Variants in SH3RF3 observed in about 807,000 individuals in gnomAD.
SH3RF3 encodes the protein E3 ubiquitin-protein ligase SH3RF3.
In SH3RF3, 29 loss-of-function variants were observed where a neutral mutation model predicts 66.3. The ratio of observed to expected loss-of-function variants is 0.44; its 90% CI spans 0.33 to 0.60. The LOEUF is 0.60. Ranked by LOEUF, SH3RF3 falls within the 20% of genes least tolerant of loss-of-function variation. The pLI is 0.04. For missense variants in SH3RF3, 1,194 were observed against 1,190.9 expected (o/e 1.00, Z -0.04); for synonymous variants, 583 against 532.0 (o/e 1.10, Z -1.32).
At chr2:109,131,963 A>G (rs1676707322) in intron 1 of SH3RF3, among the ~76,000 whole-genome samples, 1 of 152,248 alleles carries the variant, frequency 6.6e-6, no homozygotes, top group Admixed American at 6.5e-5. Context: ...TAGGTCCAGC[A>G]CATGCTTCGG....
chr2:109,146,164 C>T (rs772588781), intron 1 of SH3RF3, among the ~76,000 whole-genome samples: 4 of 152,118 alleles, frequency 2.6e-5, no homozygotes, highest in Non-Finnish European at 4.4e-5. Context: ...CATTAGAATA[C>T]GTATTAGAAT....
chr2:109,334,168 T>C (rs2105500178), intron 1 of SH3RF3, among the ~76,000 whole-genome samples: 1 of 152,112 alleles, frequency 6.6e-6, no homozygotes, highest in East Asian at 1.9e-4. Context: ...GCCTGGGCTG[T>C]AACATGGTGA....
chr2:109,152,760 C>A (rs1220367598), intron 1 of SH3RF3, among the ~76,000 whole-genome samples: 1 of 152,150 alleles, frequency 6.6e-6, no homozygotes, highest in African/African-American at 2.4e-5. Flanking sequence ...GCGGGGGGGA[C>A]CCAGTGTCCC....
chr2:109,370,665 C>T (rs376629805), intron 2 of SH3RF3, among the ~76,000 whole-genome samples: 5 of 152,272 alleles, frequency 3.3e-5, no homozygotes, highest in Admixed American at 6.5e-5. Context: ...CCCTGCCATT[C>T]GTCTCTGTGT....
intron 1 of SH3RF3, among the ~76,000 whole-genome samples, chr2:109,189,464 G>C (rs1055234864): frequency 6.6e-6 from 1 of 151,790 alleles, no homozygotes; most frequent in South Asian, 2.1e-4. Context: ...TGCCTCCTGG[G>C]TTCAAGCAAT....
Position 109,301,908 on chromosome 2 carries a change from C to A in SH3RF3, c.574-45766C>A, listed in dbSNP as rs111982855. ...AGGGTGTTGGCCTAAGTAGCTTCCC[C>A]GGTGCGGGACCGGGGTCCATTTTCT... On this transcript the variant is annotated intron_variant, in intron 1 of 9. Coordinates refer to ENST00000309415, the MANE Select transcript of SH3RF3 (RefSeq NM_001099289.3). 6.7e-3 allele frequency among the ~76,000 whole-genome samples: 1,022 copies of A among 152,306 alleles called. 16 individuals are homozygous for A. The highest frequency in any genetic ancestry group is 0.024 in the African/African-American group (993 of 41,560).
rs144220532 is a variant in SH3RF3, at chr2:109,290,019, A to T, written c.574-57655A>T. On this transcript the variant is annotated intron_variant, in intron 1 of 9. Transcript: ENST00000309415. ...CTGGGGGGACCTTGTTAAAATGCAGATTCCGATTCTATAGGTACAGGGGGA... is the reference window on the plus strand; with the variant it reads ...CTGGGGGGACCTTGTTAAAATGCAGTTTCCGATTCTATAGGTACAGGGGGA... Among the ~76,000 whole-genome samples, 511 of 152,292 alleles carry T rather than the reference A, an allele frequency of 3.4e-3. 1 individual carries two copies. Among genetic ancestry groups the T allele is most frequent in the Non-Finnish European group, 3.9e-3 (267 of 68,036 alleles).
intron 1 of SH3RF3, among the ~76,000 whole-genome samples, chr2:109,226,474 T>C (rs1679376163): frequency 6.6e-6 from 1 of 152,260 alleles, no homozygotes; most frequent in Non-Finnish European, 1.5e-5. Context: ...AGTACCCTGC[T>C]GACCTCTTAA....
chr2:109,442,919 A>G (rs533490431), intron 7 of SH3RF3, among the ~76,000 whole-genome samples: 15 of 152,362 alleles, frequency 9.8e-5, no homozygotes, highest in African/African-American at 3.4e-4. Context: ...ATTGTCACAT[A>G]TTACTAAAAA....
At chr2:109,373,463 G>A (rs1683317980) in intron 3 of SH3RF3, among the ~76,000 whole-genome samples, 1 of 152,196 alleles carries the variant, frequency 6.6e-6, no homozygotes. Context: ...ACAATGGAAC[G>A]CTCTCCCACC....
At position 109,419,638 on chromosome 2, in the gene SH3RF3, A is replaced by G. The variant is rs1207997613; in HGVS notation, c.1399A>G (p.Asn467Asp). ...GTPPKVQLPL[N>D]VYLALYAYKP... is the part of the protein sequence containing the mutation. ...GCCTCCCAAGGTCCAGCTGCCCCTC[A>G]ACGTGTGAGCTGCCCTTTGTGTCTG... Residue 467 changes from asparagine (N) to aspartate (D), a missense_variant, in exon 5 of 10, where the codon AAC becomes GAC. By Grantham distance (23) the Asn-to-Asp change is conservative. Coordinates refer to ENST00000309415, the MANE Select transcript of SH3RF3 (RefSeq NM_001099289.3). 6 of 1,575,100 alleles carry G rather than the reference A, an allele frequency of 3.8e-6. No homozygotes were observed. The highest frequency in any genetic ancestry group is 2.6e-6 in the Non-Finnish European group (3 of 1,162,242).
At chr2:109,357,056 T>TA (rs1204978940) in intron 2 of SH3RF3, among the ~76,000 whole-genome samples, 1 of 151,752 alleles carries the variant, frequency 6.6e-6, no homozygotes, top group Non-Finnish European at 1.5e-5. Flanking sequence ...GTTACCTTTT[T>TA]AAAATTTTTT....
At chr2:109,472,118 ATTAG>A (rs954351995) in intron 8 of SH3RF3, among the ~76,000 whole-genome samples, 3 of 152,164 alleles carry the variant, frequency 2.0e-5, no homozygotes, top group Non-Finnish European at 2.9e-5. Flanking sequence ...ATTATTATTA[ATTAG>A]TTAATATGAT....
At chr2:109,285,335 G>C (rs1681007578) in intron 1 of SH3RF3, among the ~76,000 whole-genome samples, 1 of 152,188 alleles carries the variant, frequency 6.6e-6, no homozygotes, top group South Asian at 2.1e-4. Flanking sequence ...TTCATGGTGG[G>C]GTTAAGCCAG....
intron 1 of SH3RF3, among the ~76,000 whole-genome samples, chr2:109,288,012 A>G (rs373097284): frequency 1.4e-4 from 20 of 143,230 alleles, no homozygotes; most frequent in African/African-American, 4.3e-4. Context: ...GGGCCATCCC[A>G]TGGCCTTTTG....
chr2:109,390,609 G>C, intron 3 of SH3RF3, among the ~76,000 whole-genome samples: 1 of 152,188 alleles, frequency 6.6e-6, no homozygotes. Context: ...GAGGAAGAAG[G>C]GTGACATAAC....
intron 8 of SH3RF3, among the ~76,000 whole-genome samples, chr2:109,472,661 G>C (rs989469764): frequency 1.3e-5 from 2 of 152,178 alleles, no homozygotes; most frequent in Admixed American, 1.3e-4. Context: ...CTAAATAATA[G>C]TGTGTTTAAT....
chr2:109,473,206 T>TA (rs112209849), intron 8 of SH3RF3, among the ~76,000 whole-genome samples: 2,494 of 152,316 alleles, frequency 0.016, 70 homozygotes, highest in African/African-American at 0.058. Context: ...TGCCTAGACA[T>TA]ACGAGCGCCT....
Position 109,449,360 on chromosome 2 carries a change from A to C in SH3RF3, c.2019A>C (p.Ser673=). 1 of 1,609,122 alleles carries C rather than the reference A, an allele frequency of 6.2e-7. No individual in the cohort carries two copies. The highest frequency in any genetic ancestry group is 1.1e-5 in the South Asian group (1 of 90,256). The change falls in exon 8 of 10, where the codon TCA becomes TCC. Residue 673 remains serine, a synonymous_variant. Transcript: ENST00000309415. ...CCATCCCCCTCACATCAGCAGCATC[A>C]GCCATCACACCTCCCAACGTCAGTG... ...RPAIPLTSAA[S]AITPPNVSAA...
Sources: gnomAD v4.1 joint callset for allele counts (sites outside exome capture counted in the v4.1 genomes callset) on GRCh38, gnomAD v4.1.1 for gene constraint, MANE v1.5 for transcripts, NCBI Gene and HGNC (gene_info 2026-07-23, HGNC 2026-07-21) for gene names.